RFX3: variants seen among roughly 807,000 people sequenced by gnomAD.
RFX3 encodes the protein regulatory factor X3, also known as transcription factor RFX3.
In RFX3, 14 loss-of-function variants were observed where a neutral mutation model predicts 98.6. That is an observed-to-expected ratio of 0.14 (90% CI 0.09 to 0.22). The LOEUF is 0.22. Ranked by LOEUF, RFX3 falls within the 10% of genes least tolerant of loss-of-function variation. RFX3 has a pLI of 1.00. For missense variants in RFX3, 639 were observed against 926.9 expected (o/e 0.69, Z 4.03); for synonymous variants, 383 against 328.4 (o/e 1.17, Z -1.80).
intron 1 of RFX3, among the ~76,000 whole-genome samples, chr9:3,504,371 A>G (rs983706882): frequency 1.6e-4 from 21 of 133,974 alleles, no homozygotes; most frequent in Non-Finnish European, 2.9e-4. Context: ...TATAAAATAT[A>G]TATTATATAC....
chr9:3,355,717 A>T (rs1835669114), intron 2 of RFX3, among the ~76,000 whole-genome samples: 1 of 151,930 alleles, frequency 6.6e-6, no homozygotes, highest in South Asian at 2.1e-4. Context: ...AATCTATGTA[A>T]CAACAGCAGA....
At chr9:3,398,029 T>C in intron 1 of RFX3, among the ~76,000 whole-genome samples, 1 of 152,232 alleles carries the variant, frequency 6.6e-6, no homozygotes, top group East Asian at 1.9e-4. Context: ...ATTGTGAGTA[T>C]GTGGGAAACT....
At chr9:3,483,639 G>A (rs1010037432) in intron 1 of RFX3, among the ~76,000 whole-genome samples, 1 of 152,104 alleles carries the variant, frequency 6.6e-6, no homozygotes, top group Non-Finnish European at 1.5e-5. Flanking sequence ...AATTCACATT[G>A]AAATCCAGAT....
At chr9:3,325,976 T>C (rs531820144) in intron 4 of RFX3, among the ~76,000 whole-genome samples, 1 of 152,262 alleles carries the variant, frequency 6.6e-6, no homozygotes, top group Admixed American at 6.5e-5. Context: ...AATGTCCATG[T>C]GCTACTGAAA....
chr9:3,271,954 T>C (rs1413184257), intron 9 of RFX3, among the ~76,000 whole-genome samples: 2 of 152,012 alleles, frequency 1.3e-5, no homozygotes, highest in African/African-American at 4.8e-5. Flanking sequence ...TAAGACTATC[T>C]CCTTTTCAAA....
At chr9:3,321,522 C>A (rs1009074281) in intron 4 of RFX3, among the ~76,000 whole-genome samples, 1 of 152,122 alleles carries the variant, frequency 6.6e-6, no homozygotes, top group Non-Finnish European at 1.5e-5. Context: ...TTTCATTGGA[C>A]TGCCTGTTCT....
chr9:3,236,964 A>G (rs1487819961), intron 15 of RFX3, among the ~76,000 whole-genome samples: 1 of 152,236 alleles, frequency 6.6e-6, no homozygotes, highest in African/African-American at 2.4e-5. Flanking sequence ...CAAAGAACAA[A>G]TGATTATAAA....
rs553091470 is a variant in RFX3, at chr9:3,327,564, T to A, written c.474+2695A>T. ...TTCCATACAAAAGTTACTTTTTTTT[T>A]AATTTTTATACTCCTTTTGTTAAAA... On this transcript the variant is annotated intron_variant, in intron 4 of 16. Transcript: ENST00000617270. Among the ~76,000 whole-genome samples the A allele has an allele frequency of 1.5e-3, 227 of 152,196 alleles. 1 individual carries two copies. Among genetic ancestry groups the A allele is most frequent in the African/African-American group, 5.0e-3 (206 of 41,522 alleles).
intron 2 of RFX3, among the ~76,000 whole-genome samples, chr9:3,354,660 C>G (rs1028224559): frequency 6.6e-6 from 1 of 151,276 alleles, no homozygotes; most frequent in Admixed American, 6.6e-5. Flanking sequence ...TTCTGACAAA[C>G]AAAAATACTT....
intron 3 of RFX3, among the ~76,000 whole-genome samples, chr9:3,346,059 T>A (rs1411570160): frequency 6.6e-6 from 1 of 152,178 alleles, no homozygotes; most frequent in African/African-American, 2.4e-5. Flanking sequence ...AATTCTTAGT[T>A]CCTTTATTTA....
At chr9:3,485,901 G>T (rs924986278) in intron 1 of RFX3, among the ~76,000 whole-genome samples, 9 of 152,014 alleles carry the variant, frequency 5.9e-5, no homozygotes, top group African/African-American at 2.2e-4. Flanking sequence ...GAGGTGGGCG[G>T]ATCACCTGAA....
intron 5 of RFX3, among the ~76,000 whole-genome samples, chr9:3,297,219 A>G (rs1828101378): frequency 6.6e-6 from 1 of 152,112 alleles, no homozygotes; most frequent in Admixed American, 6.6e-5. Context: ...CGAAACAATT[A>G]TTATATCTTT....
intron 1 of RFX3, among the ~76,000 whole-genome samples, chr9:3,480,541 C>T (rs994330167): frequency 6.6e-6 from 1 of 152,168 alleles, no homozygotes; most frequent in African/African-American, 2.4e-5. Context: ...ACAACTAAAA[C>T]ATTCAGGCCA....
chr9:3,227,976 T>C (rs766814702), intron 16 of RFX3, among the ~76,000 whole-genome samples: 2 of 152,182 alleles, frequency 1.3e-5, no homozygotes, highest in Non-Finnish European at 2.9e-5. Flanking sequence ...AAGGGCTAAG[T>C]GCATAGTTCT....
intron 4 of RFX3, chr9:3,324,131 T>A (rs1336239688): frequency 2.6e-6 from 1 of 383,530 alleles, no homozygotes; most frequent in Non-Finnish European, 5.9e-6. Flanking sequence ...CAGAAAAAGC[T>A]AAGATCATAA....
intron 6 of RFX3, among the ~76,000 whole-genome samples, chr9:3,291,254 C>T (rs535260081): frequency 1.3e-5 from 2 of 152,148 alleles, no homozygotes; most frequent in East Asian, 1.9e-4. Context: ...GCCTGTAATC[C>T]GGGTTACTCG....
Position 3,260,061 on chromosome 9 carries a change from A to G in RFX3, c.1606-2862T>C, listed in dbSNP as rs554538952. On this transcript the variant is annotated intron_variant, in intron 13 of 16. Coordinates refer to ENST00000617270, the MANE Select transcript of RFX3 (RefSeq NM_001282116.2). ...GGCAAAACTAGGAAAAGAAAAGGAA[A>G]GAAATAAGGGTGTTAAAGAGGAAAA... Among the ~76,000 whole-genome samples the G allele has an allele frequency of 7.2e-5, 11 of 152,154 alleles. No homozygotes were observed. The East Asian group carries it at 1.9e-3, about 27-fold the overall frequency.
chr9:3,470,859 C>G (rs1848714904), intron 1 of RFX3, among the ~76,000 whole-genome samples: 2 of 152,150 alleles, frequency 1.3e-5, no homozygotes, highest in Admixed American at 6.5e-5. Context: ...ATGACCTTCA[C>G]AGGGCTCTTC....
intron 1 of RFX3, among the ~76,000 whole-genome samples, chr9:3,425,401 T>C (rs1039745143): frequency 1.3e-4 from 20 of 152,344 alleles, no homozygotes; most frequent in African/African-American, 4.6e-4. Flanking sequence ...CCTGCATTAC[T>C]TTTATGATTT....
Sources: allele counts gnomAD v4.1 joint callset (sites outside exome capture counted in the v4.1 genomes callset), GRCh38; gene constraint gnomAD v4.1.1; transcripts MANE v1.5; gene names NCBI Gene and HGNC (gene_info 2026-07-23, HGNC 2026-07-21).